PDE4D: variants seen among roughly 807,000 people sequenced by gnomAD.
PDE4D encodes the protein phosphodiesterase 4D, also known as 3',5'-cyclic-AMP phosphodiesterase 4D.
PDE4D carries 24 observed loss-of-function variants against 87.4 expected under a neutral mutation model. The observed-to-expected ratio is 0.27, with a 90% confidence interval of 0.20 to 0.39. The LOEUF (loss-of-function observed/expected upper bound fraction) is 0.39. Ranked by LOEUF, PDE4D falls within the 10% of genes least tolerant of loss-of-function variation. PDE4D has a pLI of 1.00. For missense variants in PDE4D, 714 were observed against 1,041.0 expected, an observed-to-expected ratio of 0.69 and a Z score of 4.32; for synonymous variants, 384 against 383.2, an observed-to-expected ratio of 1.00 and a Z score of -0.02.
chr5:60,289,242 T>A lies in PDE4D; in HGVS notation c.-89-103555A>T, dbSNP rs375388485. 9.7e-4 allele frequency among the ~76,000 whole-genome samples: 148 copies of A among 152,304 alleles called. 1 individual carries two copies. Among genetic ancestry groups the A allele is most frequent in the African/African-American group, 3.5e-3 (144 of 41,560 alleles). On this transcript the variant is annotated intron_variant, in intron 1 of 16. Transcript: ENST00000502484. ...GTTGCTGGAAACACTAAGTCTAATG[T>A]AGGCTGTTTCTAGAACTCCTTAAAT...
At chr5:60,386,321 C>T (rs186853040) in intron 1 of PDE4D, among the ~76,000 whole-genome samples, 3 of 152,056 alleles carry the variant, frequency 2.0e-5, no homozygotes, top group Admixed American at 1.3e-4. Flanking sequence ...GCAGTGATTT[C>T]CTTAAAGGGA....
intron 1 of PDE4D, among the ~76,000 whole-genome samples, chr5:59,472,763 A>C (rs1332496135): frequency 1.3e-5 from 2 of 152,142 alleles, no homozygotes; most frequent in African/African-American, 4.8e-5. Context: ...TAGGCACACC[A>C]AGCCTAATTA....
At chr5:60,311,419 T>A (rs1255651935) in intron 1 of PDE4D, among the ~76,000 whole-genome samples, 2 of 152,196 alleles carry the variant, frequency 1.3e-5, no homozygotes, top group Admixed American at 6.5e-5. Context: ...TATTCAACAT[T>A]CTTAAAGAAA....
intron 2 of PDE4D, among the ~76,000 whole-genome samples, chr5:60,161,795 G>A (rs1782494408): frequency 6.6e-6 from 1 of 152,070 alleles, no homozygotes; most frequent in Non-Finnish European, 1.5e-5. Flanking sequence ...GATAACAAAG[G>A]CTTCGCACAT....
intron 1 of PDE4D, among the ~76,000 whole-genome samples, chr5:59,478,024 G>C (rs1356813413): frequency 1.3e-5 from 2 of 151,902 alleles, no homozygotes; most frequent in East Asian, 3.9e-4. Context: ...GGGAACAACA[G>C]ATACTGCAGA....
intron 6 of PDE4D, among the ~76,000 whole-genome samples, chr5:59,000,530 T>C (rs1390330907): frequency 3.3e-5 from 5 of 152,164 alleles, no homozygotes; most frequent in Admixed American, 6.5e-5. Flanking sequence ...TTTGTTTCTA[T>C]TGTTATGTAT....
At chr5:60,338,121 C>T (rs767732703) in intron 1 of PDE4D, among the ~76,000 whole-genome samples, 14 of 152,110 alleles carry the variant, frequency 9.2e-5, no homozygotes, top group Admixed American at 3.9e-4. Context: ...AAAAGGCAGA[C>T]GATCAGCTGC....
At chr5:59,879,370 A>G (rs1397390522) in intron 1 of PDE4D, among the ~76,000 whole-genome samples, 1 of 152,166 alleles carries the variant, frequency 6.6e-6, no homozygotes, top group East Asian at 1.9e-4. Flanking sequence ...GGAACTCCGT[A>G]TATATTGAAC....
At chr5:60,451,386 T>C (rs1209368032) in intron 1 of PDE4D, among the ~76,000 whole-genome samples, 5 of 152,116 alleles carry the variant, frequency 3.3e-5, no homozygotes, top group Admixed American at 1.3e-4. Flanking sequence ...GATGATCATG[T>C]CTTTTTGCCC....
upstream of PDE4D, among the ~76,000 whole-genome samples, chr5:60,492,967 G>A (rs933115007): frequency 2.0e-5 from 3 of 152,092 alleles, no homozygotes; most frequent in East Asian, 5.8e-4. Flanking sequence ...GTGGTGAAAT[G>A]TGTCTACTAA....
At chr5:59,844,521 A>C (rs183891043) in intron 1 of PDE4D, among the ~76,000 whole-genome samples, 14 of 152,238 alleles carry the variant, frequency 9.2e-5, no homozygotes, top group African/African-American at 3.4e-4. Context: ...TAAACCTAGC[A>C]GTGCATGATC....
chr5:60,419,839 G>A (rs1186462253), intron 1 of PDE4D, among the ~76,000 whole-genome samples: 1 of 152,146 alleles, frequency 6.6e-6, no homozygotes, highest in Non-Finnish European at 1.5e-5. Flanking sequence ...AAATCCCTCT[G>A]CCCACGAATG....
At position 59,067,034 on chromosome 5, in the gene PDE4D, A is replaced by T. The variant is rs892612629; in HGVS notation, c.809-28063T>A. The stretch of plus-strand genomic sequence containing the variant: ...TTTATTTATTTATTTATTTATTTAG[A>T]GAGAGAGTTTTGCTCTGTCACTCGG... On this transcript the variant is annotated intron_variant, in intron 5 of 14. Transcript: ENST00000340635. Among the ~76,000 whole-genome samples, 164 of 112,406 alleles carry T rather than the reference A, an allele frequency of 1.5e-3. 1 individual carries two copies. Among genetic ancestry groups the T allele is most frequent in the Admixed American group, 2.2e-3 (24 of 10,952 alleles). The allele number at this position is 112,406 out of a possible 152,430, so 73.7% of individuals were successfully genotyped here.
chr5:59,184,275 T>G (rs1017211950), intron 4 of PDE4D, among the ~76,000 whole-genome samples: 1 of 152,174 alleles, frequency 6.6e-6, no homozygotes, highest in African/African-American at 2.4e-5. Context: ...TTAAAAACTT[T>G]TTTCTATCAC....
At chr5:59,108,915 A>AAAAAAG (rs1406939886) in intron 5 of PDE4D, among the ~76,000 whole-genome samples, 1 of 151,194 alleles carries the variant, frequency 6.6e-6, no homozygotes, top group Non-Finnish European at 1.5e-5. Flanking sequence ...TCAAAAAAAA[A>AAAAAAG]AAAGAAAGAA....
At chr5:59,668,972 C>G (rs186205977) in intron 1 of PDE4D, among the ~76,000 whole-genome samples, 172 of 151,932 alleles carry the variant, frequency 1.1e-3, no homozygotes, top group African/African-American at 4.1e-3. Context: ...TACTGAGGGT[C>G]ACAGATTCTT....
At chr5:59,614,426 T>C (rs756036290) in intron 1 of PDE4D, among the ~76,000 whole-genome samples, 13 of 152,154 alleles carry the variant, frequency 8.5e-5, no homozygotes, top group Non-Finnish European at 1.3e-4. Flanking sequence ...TTCTTACAAG[T>C]ATGAGAAAAG....
chr5:59,017,113 A>T (rs1400768376), intron 6 of PDE4D, among the ~76,000 whole-genome samples: 1 of 152,210 alleles, frequency 6.6e-6, no homozygotes, highest in Non-Finnish European at 1.5e-5. Context: ...GAGGGAGGAC[A>T]GGTCTACGGA....
intron 3 of PDE4D, among the ~76,000 whole-genome samples, chr5:59,922,023 G>C (rs1298723371): frequency 6.6e-6 from 1 of 152,112 alleles, no homozygotes; most frequent in East Asian, 1.9e-4. Flanking sequence ...GGCACAGAGA[G>C]TGAATCTTTG....
Sources: allele counts gnomAD v4.1 joint callset (sites outside exome capture counted in the v4.1 genomes callset), GRCh38; gene constraint gnomAD v4.1.1; transcripts MANE v1.5; gene names NCBI Gene and HGNC (gene_info 2026-07-23, HGNC 2026-07-21).